MYH9: variants seen among roughly 807,000 people sequenced by gnomAD.
MYH9 encodes myosin-9.
A neutral mutation model predicts 241.9 loss-of-function variants in MYH9; 29 were observed. The ratio of observed to expected loss-of-function variants is 0.12; its 90% confidence interval spans 0.09 to 0.16. The LOEUF (loss-of-function observed/expected upper bound fraction) is 0.16, where lower values mean the gene tolerates loss of function less well. MYH9 is among the 10% of genes least tolerant of loss of function. The pLI is 1.00. For missense variants in MYH9, 1,803 were observed against 2,595.5 expected (o/e 0.69, Z 6.63); for synonymous variants, 1,047 against 1,062.6 (o/e 0.99, Z 0.29).
At chr22:36,376,796 G>A (rs1451627073) in intron 1 of MYH9, among the ~76,000 whole-genome samples, 1 of 152,194 alleles carries the variant, frequency 6.6e-6, no homozygotes, top group East Asian at 1.9e-4. Context: ...GGGCGCAGTG[G>A]CTCATGCCTG....
In MYH9 at chr22:36,318,111, C is replaced by T. The variant is rs574024892; in HGVS notation, c.1227+96G>A. The T allele has an allele frequency of 4.6e-4, 497 of 1,070,268 alleles. 10 individuals are homozygous for T. In the South Asian group the frequency reaches 5.6e-3, roughly 12 times the overall value. 66.3% of individuals were successfully genotyped at this position (1,070,268 alleles called of 1,614,324 possible). On this transcript the variant is annotated intron_variant, in intron 11 of 40. Coordinates refer to ENST00000216181, the MANE Select transcript of MYH9 (RefSeq NM_002473.6). ...TGGAATCATGTGAAAGTGCCTGACACGGACACCCCAGGATGGCCCACAACA... is the reference window on the plus strand; with the variant it reads ...TGGAATCATGTGAAAGTGCCTGACATGGACACCCCAGGATGGCCCACAACA...
At chr22:36,311,989 G>A in intron 14 of MYH9, 60 bp downstream of exon 14, 1 of 1,599,982 alleles carries the variant, frequency 6.3e-7, no homozygotes, top group South Asian at 1.1e-5. Flanking sequence ...GTCCTAGAGA[G>A]CCTCGACTCC....
intron 1 of MYH9, among the ~76,000 whole-genome samples, chr22:36,371,325 C>T (rs1247281228): frequency 3.3e-5 from 5 of 152,102 alleles, no homozygotes; most frequent in African/African-American, 1.2e-4. Context: ...GAGGAAGAGA[C>T]ACCAGGCGTG....
At position 36,329,750 on chromosome 22, in the gene MYH9, C is replaced by G. The variant is rs1225797275; in HGVS notation, c.491-2262G>C. Among the ~76,000 whole-genome samples, 2 of 152,232 alleles carry G rather than the reference C, an allele frequency of 1.3e-5. No individual in the cohort carries two copies. The highest frequency in any genetic ancestry group is 2.4e-5 in the African/African-American group (1 of 41,460). ...ACAGGAAGCAGAGCCCCCAAACACA[C>G]TCGAGGGCATGCACACAGAGGCGCA... On this transcript the variant is annotated intron_variant, in intron 3 of 40. Coordinates refer to ENST00000216181, the MANE Select transcript of MYH9 (RefSeq NM_002473.6). The surrounding 1 kb of genome is among the most constrained non-coding windows in gnomAD (Gnocchi z 4.1).
intron 1 of MYH9, among the ~76,000 whole-genome samples, chr22:36,387,245 G>A (rs2018367979): frequency 1.3e-5 from 2 of 152,226 alleles, no homozygotes; most frequent in Non-Finnish European, 2.9e-5. Context: ...CGGGCCGGGT[G>A]CAAGGTCTGC....
chr22:36,285,338 G>A lies in MYH9; in HGVS notation c.5275-9C>T. ...GTGTTGATCTGGTCGATCTGCAGAA[G>A]AAGGGCCAGTGACCTTGGGGAGGGC... On this transcript the variant is annotated splice_polypyrimidine_tract_variant and intron_variant, in intron 37 of 40. Coordinates refer to ENST00000216181, the MANE Select transcript of MYH9 (RefSeq NM_002473.6). The surrounding 1 kb of genome is among the most constrained non-coding windows in gnomAD (Gnocchi z 7.0). 1 of 1,606,554 alleles carries A rather than the reference G, an allele frequency of 6.2e-7. No homozygotes were observed. The highest frequency in any genetic ancestry group is 8.5e-7 in the Non-Finnish European group (1 of 1,179,956).
intron 1 of MYH9, among the ~76,000 whole-genome samples, chr22:36,366,238 A>C (rs1220940255): frequency 6.6e-6 from 1 of 151,930 alleles, no homozygotes; most frequent in Admixed American, 6.6e-5. Flanking sequence ...TCACTTCACG[A>C]CCCACCGATG....
Position 36,320,473 on chromosome 22 carries a change from C to A in MYH9, c.869-110G>T, listed in dbSNP as rs531187511. 7.0e-7 allele frequency: 1 copy of A among 1,433,330 alleles called. No homozygotes were observed. The highest frequency in any genetic ancestry group is 9.7e-7 in the Non-Finnish European group (1 of 1,032,738). The allele number at this position is 1,433,330 out of a possible 1,614,324, so 88.8% of individuals were successfully genotyped here. ...GACTGGGACAGACCCTGAGCCCTGACGCACCCTGGAAACCGCAGAGTAGCC... is the reference window on the plus strand; with the variant it reads ...GACTGGGACAGACCCTGAGCCCTGAAGCACCCTGGAAACCGCAGAGTAGCC... On this transcript the variant is annotated intron_variant, in intron 8 of 40. Transcript: ENST00000216181. This position sits in a 1 kb window ranked among gnomAD's most constrained non-coding sequence, Gnocchi z 4.8.
rs866756818 is a variant in MYH9 at position 36,342,814 on chromosome 22, C to G, written c.334-1288G>C. ...GCCGGGGCTCCACGCACCACATCACCTACGGCCCTGCCTCTGTGAAGTGAT... is the reference window on the plus strand; with the variant it reads ...GCCGGGGCTCCACGCACCACATCACGTACGGCCCTGCCTCTGTGAAGTGAT... On this transcript the variant is annotated intron_variant, in intron 2 of 40. Transcript: ENST00000216181. 5.9e-5 allele frequency among the ~76,000 whole-genome samples: 9 copies of G among 152,364 alleles called. No homozygotes were observed. The Middle Eastern group carries it at 0.01, about 173-fold the overall frequency.
chr22:36,339,566 T>A (rs2146382604), intron 3 of MYH9, among the ~76,000 whole-genome samples: 1 of 152,282 alleles, frequency 6.6e-6, no homozygotes, highest in African/African-American at 2.4e-5. Context: ...TGCATCAAGC[T>A]CAACAGTAAA....
At chr22:36,317,511 A>G (rs2017177329) in intron 11 of MYH9, among the ~76,000 whole-genome samples, 1 of 152,258 alleles carries the variant, frequency 6.6e-6, no homozygotes, top group Non-Finnish European at 1.5e-5. Context: ...CTTGTCTTTC[A>G]TGCAATGCTT....
chr22:36,286,720 C>T lies in MYH9; in HGVS notation c.5059G>A (p.Glu1687Lys), dbSNP rs1176044018. ...CTCTCCATTGCAGCCCCACCCACCT[C>T]CTGCAACTGGATCATCTCGGCCTCC... ...SMEAEMIQLQEELAAAERAKR... is the reference protein window; with the variant it reads ...SMEAEMIQLQKELAAAERAKR... The change falls in exon 35 of 41, where the codon GAG becomes AAG. Residue 1687 changes from glutamate (E) to lysine (K), a missense_variant and splice_region_variant. This residue lies in a region of MYH9 where 876 missense variants were observed against 1,077.8 expected (regional missense o/e 0.81). Transcript: ENST00000216181. 6.2e-7 allele frequency: 1 copy of T among 1,612,514 alleles called. No homozygotes were observed. Among genetic ancestry groups the T allele is most frequent in the Non-Finnish European group, 8.5e-7 (1 of 1,180,034 alleles).
intron 1 of MYH9, among the ~76,000 whole-genome samples, chr22:36,377,202 C>T (rs1051397248): frequency 6.6e-6 from 1 of 152,184 alleles, no homozygotes; most frequent in African/African-American, 2.4e-5. Context: ...CCTCCTCACC[C>T]GCAGAGGACA....
At chr22:36,355,369 T>C (rs2017838955) in intron 1 of MYH9, among the ~76,000 whole-genome samples, 1 of 152,212 alleles carries the variant, frequency 6.6e-6, no homozygotes, top group Non-Finnish European at 1.5e-5. Context: ...GGATCTTTTA[T>C]TTCTCCCTGT....
At position 36,285,904 on chromosome 22, in the gene MYH9, T is replaced by C. The variant is rs1455486202; in HGVS notation, c.5111A>G (p.Asp1704Gly). 6.2e-7 allele frequency: 1 copy of C among 1,612,958 alleles called. No individual in the cohort carries two copies. The highest frequency in any genetic ancestry group is 8.5e-7 in the Non-Finnish European group (1 of 1,179,946). Residue 1704 changes from aspartate (D) to glycine (G), a missense_variant, in exon 36 of 41, where the codon GAT (aspartate) becomes GGT (glycine). Transcript: ENST00000216181. The surrounding 1 kb of genome is among the most constrained non-coding windows in gnomAD (Gnocchi z 7.0). Reference protein sequence around the residue: ...RAKRQAQQERDELADEIANSS... With the variant: ...RAKRQAQQERGELADEIANSS... ...GTTGGCGATCTCGTCAGCCAGCTCATCCCGCTCCTGCTGGGCCTGGCGCTT... is the reference window on the plus strand; with the variant it reads ...GTTGGCGATCTCGTCAGCCAGCTCACCCCGCTCCTGCTGGGCCTGGCGCTT...
intron 1 of MYH9, among the ~76,000 whole-genome samples, chr22:36,367,936 G>A (rs1444866984): frequency 6.6e-6 from 1 of 152,108 alleles, no homozygotes; most frequent in African/African-American, 2.4e-5. Flanking sequence ...CACGTGCAAA[G>A]ATCTGTGCAC....
chr22:36,306,489 CA>C lies in MYH9; in HGVS notation c.1961del (p.Leu654ArgfsTer4). The C allele has an allele frequency of 6.2e-7, 1 of 1,614,148 alleles. No homozygotes were observed. The highest frequency in any genetic ancestry group is 8.5e-7 in the Non-Finnish European group (1 of 1,180,044). On this transcript the variant is annotated frameshift_variant, in exon 16 of 41. Coordinates refer to ENST00000216181, the MANE Select transcript of MYH9 (RefSeq NM_002473.6). LOFTEE classifies it high-confidence loss of function. The surrounding 1 kb of genome is among the most constrained non-coding windows in gnomAD (Gnocchi z 4.1). The part of the protein sequence containing the change: ...RTVGQLYKEQ[L>X]AKLMATLRNT... The stretch of plus-strand genomic sequence containing the variant: ...TCCTCAGCGTAGCCATCAGCTTGGC[CA>C]GCTGCTCCTTGTAAAGCTGCCCCAC...
chr22:36,318,998 G>A (rs745919846), intron 10 of MYH9, among the ~76,000 whole-genome samples: 40 of 152,088 alleles, frequency 2.6e-4, no homozygotes, highest in African/African-American at 5.8e-4. Flanking sequence ...TCCTGACCTC[G>A]TGATCTGCCC....
chr22:36,326,794 G>T (rs1269737351), intron 4 of MYH9, 133 bp from the exon 5 acceptor site: 6 of 191,438 alleles, frequency 3.1e-5, no homozygotes, highest in African/African-American at 1.6e-4. Flanking sequence ...GGCAGAAAAC[G>T]GGACTGCCAC....
Sources: gnomAD v4.1 joint callset for allele counts (sites outside exome capture counted in the v4.1 genomes callset) on GRCh38, gnomAD v4.1.1 for gene constraint, gnomAD v4.1.1 regional missense constraint, Gnocchi (gnomAD v3.1) non-coding constraint, MANE v1.5 for transcripts, NCBI Gene and HGNC (gene_info 2026-07-23, HGNC 2026-07-21) for gene names.